Variants in SDK1 observed in about 807,000 individuals in gnomAD.
The protein encoded by SDK1 is sidekick cell adhesion molecule 1.
Under a neutral mutation model 245.5 loss-of-function variants are expected in SDK1, and 157 were observed. The ratio of observed to expected loss-of-function variants is 0.64; its 90% CI spans 0.56 to 0.73. SDK1 has a LOEUF of 0.73. SDK1 is among the 30% of genes least tolerant of loss of function. The probability of loss-of-function intolerance (pLI) is 0.00; values close to 1 mark genes in which losing one functional copy is unlikely to be tolerated. For missense variants in SDK1, 3,583 were observed against 3,002.3 expected, an observed-to-expected ratio of 1.19 and a Z score of -4.52; for synonymous variants, 1,647 against 1,278.5, an observed-to-expected ratio of 1.29 and a Z score of -6.15.
intron 7 of SDK1, among the ~76,000 whole-genome samples, chr7:3,957,066 GA>G (rs2128127695): frequency 6.6e-6 from 1 of 152,108 alleles, no homozygotes; most frequent in East Asian, 1.9e-4. Flanking sequence ...CATGAAGAGT[GA>G]AAAAAATAGT....
intron 1 of SDK1, among the ~76,000 whole-genome samples, chr7:3,584,999 C>G (rs1246212069): frequency 6.6e-6 from 1 of 152,186 alleles, no homozygotes; most frequent in African/African-American, 2.4e-5. Flanking sequence ...GCTGGGATTA[C>G]AGACGTGAGC....
chr7:3,667,532 C>T (rs1783571663), intron 4 of SDK1, among the ~76,000 whole-genome samples: 1 of 152,064 alleles, frequency 6.6e-6, no homozygotes, highest in Non-Finnish European at 1.5e-5. Context: ...AGTGTTGATC[C>T]ACTACCACAA....
At chr7:3,316,449 G>A (rs1779664323) in intron 1 of SDK1, among the ~76,000 whole-genome samples, 1 of 152,184 alleles carries the variant, frequency 6.6e-6, no homozygotes. Flanking sequence ...TGTAAGTGAT[G>A]TCTGTGATGT....
intron 38 of SDK1, among the ~76,000 whole-genome samples, chr7:4,212,822 G>A (rs111350451): frequency 0.027 from 4,168 of 152,312 alleles, 82 homozygotes; most frequent in South Asian, 0.066. Flanking sequence ...TGATTGACCT[G>A]TGAGTCCTTC....
At chr7:3,931,012 TAGC>T (rs1451473386) in intron 5 of SDK1, among the ~76,000 whole-genome samples, 1 of 152,234 alleles carries the variant, frequency 6.6e-6, no homozygotes, top group Non-Finnish European at 1.5e-5. Context: ...ATGTAAATAA[TAGC>T]AGATGGACAT....
At chr7:3,925,393 G>A (rs139465517) in intron 5 of SDK1, among the ~76,000 whole-genome samples, 1 of 152,242 alleles carries the variant, frequency 6.6e-6, no homozygotes, top group Non-Finnish European at 1.5e-5. Flanking sequence ...AGGAATCGCA[G>A]TCAGTGACGC....
chr7:4,267,086 A>C lies in SDK1; in HGVS notation c.*1702A>C, dbSNP rs1423793493. On this transcript the variant is annotated 3_prime_UTR_variant, in exon 45 of 45. Transcript: ENST00000404826. The stretch of plus-strand genomic sequence containing the variant: ...TGTCAGCGTTGCTGAGTATGGCCCC[A>C]GGAGACCAAGGAGAGTTTTGTATAG... 2.0e-6 allele frequency: 2 copies of C among 985,344 alleles called. No homozygotes were observed. The highest frequency in any genetic ancestry group is 2.4e-6 in the Non-Finnish European group (2 of 829,964). The allele number at this position is 985,344 out of a possible 1,614,324, so 61.0% of individuals were successfully genotyped here. A position where few individuals can be genotyped will look rare whatever the true frequency, so the allele number is the denominator to read the frequency against.
chr7:3,893,766 C>G (rs1233223476), intron 5 of SDK1, among the ~76,000 whole-genome samples: 1 of 151,776 alleles, frequency 6.6e-6, no homozygotes, highest in East Asian at 1.9e-4. Context: ...TTCTCCACAT[C>G]TTACCCTGCC....
intron 1 of SDK1, among the ~76,000 whole-genome samples, chr7:3,305,060 G>C (rs1251617097): frequency 6.6e-6 from 1 of 152,182 alleles, no homozygotes; most frequent in Non-Finnish European, 1.5e-5. Flanking sequence ...AACAATTGCA[G>C]TGACTTTTAT....
chr7:3,366,459 A>G (rs1341736985), intron 1 of SDK1, among the ~76,000 whole-genome samples: 2 of 151,856 alleles, frequency 1.3e-5, no homozygotes, highest in African/African-American at 4.8e-5. Flanking sequence ...TAATTTTGCC[A>G]TGTGTACTTT....
intron 30 of SDK1, among the ~76,000 whole-genome samples, chr7:4,154,701 T>C (rs1190785780): frequency 2.6e-5 from 4 of 152,190 alleles, no homozygotes; most frequent in Non-Finnish European, 4.4e-5. Context: ...GCTATCTCCA[T>C]GTCCATAGCC....
intron 22 of SDK1, among the ~76,000 whole-genome samples, chr7:4,082,404 G>A (rs1344201442): frequency 3.3e-5 from 5 of 151,824 alleles, no homozygotes; most frequent in East Asian, 2.0e-4. Context: ...GCATGGTGGC[G>A]CACGTCTGTA....
intron 1 of SDK1, among the ~76,000 whole-genome samples, chr7:3,607,902 C>G (rs1242356470): frequency 6.6e-6 from 1 of 152,192 alleles, no homozygotes; most frequent in Non-Finnish European, 1.5e-5. Flanking sequence ...GCAGCAGTTC[C>G]CAAAGTGTGG....
In SDK1 at chr7:3,661,147, G is replaced by A. The variant is rs151013872; in HGVS notation, c.713+19042G>A. 2.4e-4 allele frequency among the ~76,000 whole-genome samples: 37 copies of A among 152,280 alleles called. 1 individual carries two copies. The East Asian group carries it at 6.9e-3, about 29-fold the overall frequency. Reference sequence around the variant, plus strand: ...ATTTACCTGAGCTTTGTTGAGTTCAGTATTCTAGCTAAAATCCTGTATCAC... The same window carrying A: ...ATTTACCTGAGCTTTGTTGAGTTCAATATTCTAGCTAAAATCCTGTATCAC... On this transcript the variant is annotated intron_variant, in intron 4 of 44. Coordinates refer to ENST00000404826, the MANE Select transcript of SDK1 (RefSeq NM_152744.4).
At chr7:3,982,111 G>A (rs537320848) in intron 13 of SDK1, among the ~76,000 whole-genome samples, 2 of 152,322 alleles carry the variant, frequency 1.3e-5, no homozygotes, top group African/African-American at 2.4e-5. Flanking sequence ...CTCATTTACT[G>A]TGCTGAAAAT....
At chr7:3,972,712 G>A (rs186560554) in intron 12 of SDK1, among the ~76,000 whole-genome samples, 1 of 152,344 alleles carries the variant, frequency 6.6e-6, no homozygotes, top group East Asian at 1.9e-4. Context: ...AGCTGTGGGT[G>A]CACAGTCAGC....
intron 4 of SDK1, among the ~76,000 whole-genome samples, chr7:3,760,122 C>T (rs995558027): frequency 2.6e-5 from 4 of 151,998 alleles, no homozygotes; most frequent in Admixed American, 6.6e-5. Flanking sequence ...TGGAAAATTC[C>T]TCCATAAATA....
At chr7:3,973,610 G>C (rs1782661944) in intron 12 of SDK1, among the ~76,000 whole-genome samples, 2 of 152,058 alleles carry the variant, frequency 1.3e-5, no homozygotes, top group African/African-American at 4.8e-5. Context: ...CCACTCTGTA[G>C]ATTTTTTTTA....
intron 4 of SDK1, among the ~76,000 whole-genome samples, chr7:3,671,358 T>C (rs909104099): frequency 1.3e-5 from 2 of 152,202 alleles, no homozygotes; most frequent in African/African-American, 2.4e-5. Context: ...TTTAAACCAA[T>C]TTTTAAATAT....
Sources: allele counts gnomAD v4.1 joint callset (sites outside exome capture counted in the v4.1 genomes callset), GRCh38; gene constraint gnomAD v4.1.1; transcripts MANE v1.5; gene names NCBI Gene and HGNC (gene_info 2026-07-23, HGNC 2026-07-21).